Variants in DNAH14 observed in about 807,000 individuals in gnomAD.
DNAH14 encodes axonemal beta dynein heavy chain 14.
Under a neutral mutation model 520.9 loss-of-function variants are expected in DNAH14, and 478 were observed. That is an observed-to-expected ratio of 0.92 (90% CI 0.85 to 0.99). The LOEUF (loss-of-function observed/expected upper bound fraction) is 0.99. Among genes scored for constraint, DNAH14 ranks in the 50% least tolerant of loss-of-function variants. DNAH14 has a pLI of 0.00. For missense variants in DNAH14, 4,831 were observed against 5,234.5 expected (o/e 0.92, Z 2.38); for synonymous variants, 1,581 against 1,757.2 (o/e 0.90, Z 2.51).
intron 44 of DNAH14, among the ~76,000 whole-genome samples, chr1:225,252,732 A>G (rs1250076680): frequency 6.6e-6 from 1 of 152,182 alleles, no homozygotes; most frequent in African/African-American, 2.4e-5. Context: ...GGGACAAGAA[A>G]ATGGAAAGGA....
Position 225,322,760 on chromosome 1 carries a change from T to C in DNAH14, c.9432T>C (p.Leu3144=). The C allele has an allele frequency of 1.3e-6, 2 of 1,551,824 alleles. No homozygotes were observed. The highest frequency in any genetic ancestry group is 2.4e-5 in the South Asian group (2 of 84,058). The part of the protein sequence containing the change: ...KKPNWATAKL[L]LSETGFLKKL... ...CTAACTGGGCAACGGCAAAGTTACT[T>C]CTTTCAGAAACTGGTTTCCTGAAAA... Residue 3144 remains leucine, a synonymous_variant, in exon 62 of 86, where the codon CTT becomes CTC. Coordinates refer to ENST00000682510, the MANE Select transcript of DNAH14 (RefSeq NM_001367479.1).
chr1:225,296,419 T>C (rs1363086957), intron 55 of DNAH14, among the ~76,000 whole-genome samples: 1 of 152,060 alleles, frequency 6.6e-6, no homozygotes, highest in East Asian at 1.9e-4. Context: ...TATAATAGAT[T>C]GGTGAGGAAC....
chr1:225,105,015 G>T (rs2075893133), intron 23 of DNAH14, among the ~76,000 whole-genome samples: 1 of 152,088 alleles, frequency 6.6e-6, no homozygotes, highest in Admixed American at 6.5e-5. Context: ...TTTCTCTTGT[G>T]GGCATTTAGT....
At chr1:225,043,252 A>T in intron 13 of DNAH14, 138 bp downstream of exon 13, 2 of 312,688 alleles carry the variant, frequency 6.4e-6, no homozygotes, top group Admixed American at 5.7e-5. Flanking sequence ...CAACACAGTG[A>T]GACCTTGTCT....
intron 64 of DNAH14, among the ~76,000 whole-genome samples, chr1:225,327,459 C>T (rs1007587126): frequency 3.9e-5 from 6 of 152,090 alleles, no homozygotes; most frequent in African/African-American, 1.4e-4. Flanking sequence ...CCGCACCTGG[C>T]CGACTAACTC....
chr1:225,223,879 A>T (rs2090289762), intron 41 of DNAH14, among the ~76,000 whole-genome samples: 1 of 152,172 alleles, frequency 6.6e-6, no homozygotes, highest in African/African-American at 2.4e-5. Context: ...TAATTGCAAG[A>T]TTATTCATTT....
chr1:225,087,176 T>C (rs1261724571), intron 21 of DNAH14, among the ~76,000 whole-genome samples: 9 of 152,204 alleles, frequency 5.9e-5, no homozygotes, highest in Non-Finnish European at 1.5e-5. Context: ...TTCTGGAGGC[T>C]GGGAAGTCCA....
intron 43 of DNAH14, chr1:225,250,582 T>A (rs1215719715): frequency 2.3e-6 from 1 of 439,626 alleles, no homozygotes; most frequent in East Asian, 3.5e-5. Flanking sequence ...AAAAGGGAAC[T>A]GGAAACGGTT....
chr1:225,166,715 C>T (rs10915791), intron 35 of DNAH14, among the ~76,000 whole-genome samples: 23,468 of 152,118 alleles, frequency 0.15, 2,129 homozygotes, highest in East Asian at 0.36. Flanking sequence ...GTCTCTAACA[C>T]ATCCAAAGTG....
chr1:225,345,537 A>G (rs1459739620), intron 69 of DNAH14, among the ~76,000 whole-genome samples: 1 of 152,250 alleles, frequency 6.6e-6, no homozygotes, highest in African/African-American at 2.4e-5. Context: ...TCAGTTTCAT[A>G]TGTTTAATAA....
At chr1:225,022,727 CA>C (rs1482417491) in intron 10 of DNAH14, among the ~76,000 whole-genome samples, 1 of 152,196 alleles carries the variant, frequency 6.6e-6, no homozygotes, top group Non-Finnish European at 1.5e-5. Context: ...TTCAACTCAG[CA>C]ATCCCTCTAC....
At chr1:225,086,837 AG>A (rs1377255343) in intron 21 of DNAH14, among the ~76,000 whole-genome samples, 1 of 152,246 alleles carries the variant, frequency 6.6e-6, no homozygotes, top group Non-Finnish European at 1.5e-5. Context: ...AAAATTTAGA[AG>A]TAAGGAACAG....
intron 3 of DNAH14, among the ~76,000 whole-genome samples, chr1:224,959,074 T>C (rs2060689694): frequency 6.6e-6 from 1 of 152,070 alleles, no homozygotes; most frequent in South Asian, 2.1e-4. Context: ...AACCAGAGGG[T>C]TGCATGTCAG....
chr1:225,199,558 G>C (rs1048261573), intron 38 of DNAH14, among the ~76,000 whole-genome samples: 1 of 152,012 alleles, frequency 6.6e-6, no homozygotes, highest in African/African-American at 2.4e-5. Flanking sequence ...TCAGTTCAAA[G>C]AATTTTTAAA....
At chr1:225,393,519 A>G (rs2150873054) in intron 84 of DNAH14, among the ~76,000 whole-genome samples, 1 of 152,326 alleles carries the variant, frequency 6.6e-6, no homozygotes, top group Admixed American at 6.5e-5. Context: ...CATCATCGCT[A>G]GGTGATAGGA....
rs1238625172 is a variant in DNAH14 at position 225,002,799 on chromosome 1, C to T, written c.847C>T (p.His283Tyr). The change falls in exon 9 of 86, where the codon CAT becomes TAT. Residue 283 changes from histidine (H) to tyrosine (Y), a missense_variant. Coordinates refer to ENST00000682510, the MANE Select transcript of DNAH14 (RefSeq NM_001367479.1). ...TEKSRSFLYHHLFLADDLFQT... is the reference protein window; with the variant it reads ...TEKSRSFLYHYLFLADDLFQT... ...AACTTTCAGGTCATTTTTGTACCAC[C>T]ATCTTTTTTTGGCTGATGACTTGTT... The T allele has an allele frequency of 3.2e-6, 5 of 1,548,556 alleles. No individual in the cohort carries two copies. Among genetic ancestry groups the T allele is most frequent in the African/African-American group, 1.4e-5 (1 of 72,824 alleles).
chr1:225,386,994 C>G (rs1215959711), intron 81 of DNAH14, among the ~76,000 whole-genome samples: 2 of 152,160 alleles, frequency 1.3e-5, no homozygotes, highest in Admixed American at 6.5e-5. Flanking sequence ...ACCCAAATGT[C>G]CATCAATGAT....
At chr1:225,021,561 G>A (rs182830709) in intron 10 of DNAH14, among the ~76,000 whole-genome samples, 1 of 152,044 alleles carries the variant, frequency 6.6e-6, no homozygotes, top group Non-Finnish European at 1.5e-5. Context: ...AAAATATCTA[G>A]GAATACAGTT....
chr1:225,310,081 AAG>A (rs2094330747), intron 60 of DNAH14, among the ~76,000 whole-genome samples: 1 of 150,746 alleles, frequency 6.6e-6, no homozygotes, highest in Admixed American at 6.6e-5. Flanking sequence ...ATAAATAAAT[AAG>A]AGTACGGCTT....
Sources: allele counts gnomAD v4.1 joint callset (sites outside exome capture counted in the v4.1 genomes callset), GRCh38; gene constraint gnomAD v4.1.1; transcripts MANE v1.5; gene names NCBI Gene and HGNC (gene_info 2026-07-23, HGNC 2026-07-21).